Variants in EDEM2 observed in about 807,000 individuals in gnomAD.
EDEM2 encodes the protein ER degradation enhancing alpha-mannosidase like protein 2.
Under a neutral mutation model 64.8 loss-of-function variants are expected in EDEM2, and 39 were observed. The ratio of observed to expected loss-of-function variants is 0.60; its 90% CI spans 0.47 to 0.79. EDEM2 has a LOEUF of 0.79. Ranked by LOEUF, EDEM2 falls within the 30% of genes least tolerant of loss-of-function variation. The pLI is 0.00. For missense variants in EDEM2, 609 were observed against 731.3 expected, an observed-to-expected ratio of 0.83 and a Z score of 1.93; for synonymous variants, 296 against 291.5, an observed-to-expected ratio of 1.02 and a Z score of -0.16.
rs769953004 is a variant in EDEM2, at chr20:35,137,920, G to A, written c.450C>T (p.Leu150=). 11 of 1,614,160 alleles carry A rather than the reference G, an allele frequency of 6.8e-6. No individual in the cohort carries two copies. The highest frequency in any genetic ancestry group is 1.6e-4 in the Middle Eastern group (1 of 6,062). ...VEAGWPCSGP[L]LRMAEEAARK... ...GGGCCGCCTCCTCAGCCATTCTCAG[G>A]AGAGGCCCGGAACAGGGCCATCCAG... is the stretch of plus-strand genomic sequence containing the variant. The change falls in exon 5 of 11, where the codon CTC becomes CTT. Residue 150 remains leucine (L), a synonymous_variant. Coordinates refer to ENST00000374492, the MANE Select transcript of EDEM2 (RefSeq NM_018217.3).
chr20:35,139,092 A>T lies in EDEM2; in HGVS notation c.365-1087T>A, dbSNP rs528311412. Reference sequence around the variant, plus strand: ...ATGCAGGCCAGGCATGGTGGCTCACATCTGTAATCCCAGCACTTTGGGAGC... The same window carrying T: ...ATGCAGGCCAGGCATGGTGGCTCACTTCTGTAATCCCAGCACTTTGGGAGC... On this transcript the variant is annotated intron_variant, in intron 4 of 10. Transcript: ENST00000374492. 2.6e-5 allele frequency among the ~76,000 whole-genome samples: 4 copies of T among 152,124 alleles called. No individual in the cohort carries two copies. In the East Asian group the frequency reaches 7.8e-4, roughly 30 times the overall value.
intron 9 of EDEM2, among the ~76,000 whole-genome samples, chr20:35,120,127 G>A (rs528739626): frequency 8.5e-5 from 13 of 152,078 alleles, no homozygotes; most frequent in Admixed American, 2.0e-4. Flanking sequence ...GCCATGGTGC[G>A]ATCTCCGCTC....
At chr20:35,135,451 G>C (rs951854190) in intron 5 of EDEM2, among the ~76,000 whole-genome samples, 2 of 152,162 alleles carry the variant, frequency 1.3e-5, no homozygotes, top group East Asian at 3.9e-4. Flanking sequence ...AGGAGTTCGA[G>C]ACCAGCCTGG....
intron 10 of EDEM2, 50 bp from the exon 11 acceptor site, chr20:35,115,983 G>A (rs954195673): frequency 1.3e-6 from 2 of 1,576,846 alleles, no homozygotes; most frequent in African/African-American, 1.5e-5. Flanking sequence ...CAATTTAGTA[G>A]TAAGGGTCAG....
intron 2 of EDEM2, among the ~76,000 whole-genome samples, chr20:35,145,718 C>T (rs981458050): frequency 2.6e-5 from 4 of 152,062 alleles, no homozygotes; most frequent in Non-Finnish European, 4.4e-5. Flanking sequence ...TCACTTCAAA[C>T]GAGTGTAGGC....
At chr20:35,143,422 A>G (rs2085685026) in intron 3 of EDEM2, among the ~76,000 whole-genome samples, 1 of 152,250 alleles carries the variant, frequency 6.6e-6, no homozygotes, top group Non-Finnish European at 1.5e-5. Context: ...AAGCATTAGA[A>G]TAAAAGCCAA....
chr20:35,135,512 G>A lies in EDEM2; in HGVS notation c.491-563C>T, dbSNP rs571608370. Reference sequence around the variant, plus strand: ...CTAAAAATACAAAAATTAGGCAAGCGTGGTGGTGCACGCCTGTAATTCTGG... The same window carrying A: ...CTAAAAATACAAAAATTAGGCAAGCATGGTGGTGCACGCCTGTAATTCTGG... On this transcript the variant is annotated intron_variant, in intron 5 of 10. Coordinates refer to ENST00000374492, the MANE Select transcript of EDEM2 (RefSeq NM_018217.3). Among the ~76,000 whole-genome samples the A allele has an allele frequency of 4.6e-5, 7 of 152,328 alleles. No individual in the cohort carries two copies. The South Asian group carries it at 1.0e-3, about 23-fold the overall frequency.
intron 9 of EDEM2, among the ~76,000 whole-genome samples, chr20:35,121,476 A>T (rs6088723): frequency 7.3e-4 from 111 of 152,134 alleles, no homozygotes; most frequent in African/African-American, 2.6e-3. Flanking sequence ...GCTCACACGC[A>T]GCTCACCTCC....
rs1600703807 is a variant in EDEM2 at position 35,124,039 on chromosome 20, G to T, written c.970-5C>A. The T allele has an allele frequency of 1.2e-6, 2 of 1,609,556 alleles. No homozygotes were observed. The highest frequency in any genetic ancestry group is 1.7e-6 in the Non-Finnish European group (2 of 1,176,274). On this transcript the variant is annotated splice_region_variant and splice_polypyrimidine_tract_variant and intron_variant, in intron 8 of 10. Transcript: ENST00000374492. ...GTCAATGTCTCCAATGAGGCTCTGT[G>T]GGAGAAAGTGGCTGTCAGGCAGGTA...
chr20:35,145,098 C>T, intron 2 of EDEM2, 80 bp from the exon 3 acceptor site: 2 of 1,462,396 alleles, frequency 1.4e-6, no homozygotes, highest in South Asian at 2.4e-5. Flanking sequence ...TCTGATCCCC[C>T]TAAAACTAAA....
intron 6 of EDEM2, among the ~76,000 whole-genome samples, chr20:35,133,714 G>A (rs1013042945): frequency 2.0e-4 from 30 of 152,232 alleles, no homozygotes; most frequent in African/African-American, 7.0e-4. Context: ...TGATCCGCCC[G>A]CCTCAGTCTC....
chr20:35,116,011 C>T, intron 10 of EDEM2, 78 bp from the exon 11 acceptor site: 1 of 1,504,394 alleles, frequency 6.6e-7, no homozygotes, highest in Non-Finnish European at 9.0e-7. Context: ...CTTAAGAAGG[C>T]CTGTTCTGCC....
At chr20:35,142,899 GATT>G (rs1273068646) in intron 3 of EDEM2, among the ~76,000 whole-genome samples, 1 of 151,982 alleles carries the variant, frequency 6.6e-6, no homozygotes, top group East Asian at 1.9e-4. Flanking sequence ...GAGTAGCTGG[GATT>G]ATGCACCACC....
chr20:35,133,380 C>A (rs906766760), intron 6 of EDEM2, among the ~76,000 whole-genome samples: 1 of 151,880 alleles, frequency 6.6e-6, no homozygotes, highest in South Asian at 2.1e-4. Context: ...ATGGGCATGG[C>A]ACCAACAGAG....
chr20:35,138,073 C>A, intron 4 of EDEM2, 68 bp from the exon 5 acceptor site: 2 of 1,582,154 alleles, frequency 1.3e-6, no homozygotes, highest in Non-Finnish European at 1.7e-6. Context: ...GGATCTTTCC[C>A]CTGTGCGAGT....
Position 35,131,847 on chromosome 20 carries a change from C to A in EDEM2, c.703-64G>T, listed in dbSNP as rs527306672. 5.7e-6 allele frequency: 9 copies of A among 1,569,674 alleles called. No individual in the cohort carries two copies. The East Asian group carries it at 9.0e-5, about 16-fold the overall frequency. Reference sequence around the variant, plus strand: ...CGATGGCCAAAGAAGGATCTACTCACCCCCAACCCTGACTGCCCAGGGAGA... The same window carrying A: ...CGATGGCCAAAGAAGGATCTACTCAACCCCAACCCTGACTGCCCAGGGAGA... On this transcript the variant is annotated intron_variant, in intron 6 of 10. Transcript: ENST00000374492.
rs149713579 is a variant in EDEM2, at chr20:35,115,578, G to A, written c.1592C>T (p.Pro531Leu). The A allele has an allele frequency of 6.7e-5, 108 of 1,613,930 alleles. No individual in the cohort carries two copies. The African/African-American group carries it at 1.3e-3, about 20-fold the overall frequency. Residue 531 changes from proline to leucine, a missense_variant, in exon 11 of 11, where the codon CCA (proline) becomes CTA (leucine). Coordinates refer to ENST00000374492, the MANE Select transcript of EDEM2 (RefSeq NM_018217.3). ...SSGPWEPPAR[P>L]GTLFSPENHD... is the part of the protein sequence containing the mutation. ...GTTTTCTGGTGAGAAGAGTGTTCCT[G>A]GCCTTGCTGGAGGTTCCCATGGCCC...
chr20:35,147,228 G>A lies in EDEM2; in HGVS notation c.31C>T (p.Leu11Phe), dbSNP rs759457381. The A allele has an allele frequency of 2.5e-6, 4 of 1,597,738 alleles. No individual in the cohort carries two copies. Among genetic ancestry groups the A allele is most frequent in the Middle Eastern group, 1.7e-4 (1 of 5,996 alleles). MPFRLLIPLG[L>F]LCALLPQHHG... ...TGCTGAGGCAGCAGCGCGCACAGGA[G>A]GCCGAGCGGGATGAGCAGCCGGAAA... Residue 11 changes from leucine (L) to phenylalanine (F), a missense_variant, in exon 1 of 11, where the codon CTC becomes TTC. Physicochemically the swap from Leu to Phe is conservative, Grantham distance 22. Coordinates refer to ENST00000374492, the MANE Select transcript of EDEM2 (RefSeq NM_018217.3).
At chr20:35,146,680 G>T in intron 2 of EDEM2, 145 bp downstream of exon 2, 1 of 852,042 alleles carries the variant, frequency 1.2e-6, no homozygotes, top group South Asian at 1.7e-5. Flanking sequence ...GTGATAGTAA[G>T]AATTGCGGGG....
Sources: allele counts gnomAD v4.1 joint callset (sites outside exome capture counted in the v4.1 genomes callset), GRCh38; gene constraint gnomAD v4.1.1; transcripts MANE v1.5; gene names NCBI Gene and HGNC (gene_info 2026-07-23, HGNC 2026-07-21).